The following GLRA2 variants were observed in gnomAD, a reference collection of about 807,000 sequenced individuals.
GLRA2 encodes the protein glycine receptor subunit alpha-2.
A neutral mutation model predicts 31.6 loss-of-function variants in GLRA2; 11 were observed. That is an observed-to-expected ratio of 0.35 (90% CI 0.22 to 0.58). The LOEUF is 0.58. Ranked by LOEUF, GLRA2 falls within the 20% of genes least tolerant of loss-of-function variation. The probability of loss-of-function intolerance (pLI) is 0.84; values close to 1 mark genes in which losing one functional copy is unlikely to be tolerated. For missense variants in GLRA2, 212 were observed against 351.8 expected (o/e 0.60, Z 3.18); for synonymous variants, 132 against 134.0 (o/e 0.99, Z 0.10).
intron 7 of GLRA2, among the ~76,000 whole-genome samples, chrX:14,627,993 C>G (rs1425726905): frequency 9.0e-6 from 1 of 110,816 alleles, no homozygotes. Flanking sequence ...TAGGATTAGT[C>G]TAATATAATT....
chrX:14,509,121 C>A, the GLRA2 span, among the ~76,000 whole-genome samples: 2 of 112,150 alleles, frequency 1.8e-5, no homozygotes, highest in African/African-American at 6.5e-5. Flanking sequence ...AGAAGGCTTC[C>A]ATTTCTCTGT....
intron 4 of GLRA2, 43 bp downstream of exon 4, chrX:14,581,449 C>A: frequency 1.3e-6 from 1 of 764,613 alleles, no homozygotes; most frequent in Non-Finnish European, 2.0e-6. Flanking sequence ...TCCATTTCTC[C>A]ACTAATGTAG....
chrX:14,683,091 G>T (rs1303136540), intron 7 of GLRA2, among the ~76,000 whole-genome samples: 2 of 111,774 alleles, frequency 1.8e-5, no homozygotes, highest in Non-Finnish European at 3.8e-5. Flanking sequence ...GGGTCAAATG[G>T]TATTTCTAGT....
intron 7 of GLRA2, among the ~76,000 whole-genome samples, chrX:14,663,290 G>A (rs1243004123): frequency 9.0e-6 from 1 of 111,165 alleles, no homozygotes; most frequent in African/African-American, 3.3e-5. Context: ...TTTTCATGAA[G>A]AATTTAGGTT....
chrX:14,526,890 T>C (rs775592128), upstream of GLRA2, among the ~76,000 whole-genome samples: 17 of 111,508 alleles, frequency 1.5e-4, no homozygotes, highest in Non-Finnish European at 7.5e-5. Flanking sequence ...ATATAGCCTT[T>C]AGGAAATCCA....
intron 5 of GLRA2, 27 bp from the exon 6 acceptor site, chrX:14,607,104 A>C (rs199920383): frequency 1.8e-6 from 2 of 1,133,054 alleles, no homozygotes; most frequent in Admixed American, 4.8e-5. Flanking sequence ...GCCATATTCA[A>C]TTTTCACTAT....
At position 14,623,655 on chromosome X, in the gene GLRA2, C is replaced by T. The variant is rs753950834; in HGVS notation, c.930+14450C>T. On this transcript the variant is annotated intron_variant, in intron 7 of 8. Coordinates refer to ENST00000218075, the MANE Select transcript of GLRA2 (RefSeq NM_002063.4). ...TGTTTATATGCTGGATTACATTTAT[C>T]GATTTGCGTATGTTGAACCAGCCTT... Among the ~76,000 whole-genome samples, 82 of 111,309 alleles carry T rather than the reference C, an allele frequency of 7.4e-4. No individual in the cohort carries two copies. In the East Asian group the frequency reaches 0.011, roughly 15 times the overall value.
At chrX:14,693,570 AG>A (rs1337906189) in intron 8 of GLRA2, among the ~76,000 whole-genome samples, 1 of 112,249 alleles carries the variant, frequency 8.9e-6, no homozygotes, top group Non-Finnish European at 1.9e-5. Flanking sequence ...AAAAGCAGAC[AG>A]AAAGATCAGT....
the GLRA2 span, among the ~76,000 whole-genome samples, chrX:14,500,566 G>A: frequency 8.9e-6 from 1 of 112,297 alleles, no homozygotes; most frequent in Admixed American, 9.3e-5. Context: ...GGTAGGGACA[G>A]GTCTCCTGAC....
chrX:14,705,819 T>A (rs1346259255), intron 8 of GLRA2, among the ~76,000 whole-genome samples: 2 of 112,070 alleles, frequency 1.8e-5, no homozygotes, highest in Non-Finnish European at 3.8e-5. Flanking sequence ...TATGATTTAA[T>A]TGCTTTTCAA....
intron 2 of GLRA2, among the ~76,000 whole-genome samples, chrX:14,545,638 C>A (rs2089468943): frequency 9.0e-6 from 1 of 111,673 alleles, no homozygotes; most frequent in Admixed American, 9.5e-5. Flanking sequence ...GTTATTTGGG[C>A]ATGCACACAT....
chrX:14,557,397 A>G lies in GLRA2; in HGVS notation c.203-16936A>G, dbSNP rs187292612. ...CCCAAAGTGCTGGGATTACAGGCAT[A>G]AGCCACTGTGCCCGGCCCACCTAAA... On this transcript the variant is annotated intron_variant, in intron 2 of 8. Transcript: ENST00000218075. Among the ~76,000 whole-genome samples the G allele has an allele frequency of 5.0e-3, 551 of 111,159 alleles. 5 individuals carry two copies. Among genetic ancestry groups the G allele is most frequent in the African/African-American group, 0.017 (517 of 30,625 alleles).
chrX:14,625,206 C>T (rs1383063553), intron 7 of GLRA2, among the ~76,000 whole-genome samples: 3 of 111,067 alleles, frequency 2.7e-5, no homozygotes, highest in African/African-American at 9.8e-5. Context: ...CTTGGTAGAT[C>T]TTCCTCTATC....
chrX:14,686,390 A>T (rs138395429), intron 7 of GLRA2, among the ~76,000 whole-genome samples: 55 of 111,030 alleles, frequency 5.0e-4, no homozygotes, highest in African/African-American at 1.7e-3. Flanking sequence ...TGTCTCGTTG[A>T]CCTTTCTAAT....
intron 8 of GLRA2, among the ~76,000 whole-genome samples, chrX:14,715,367 T>A (rs911941491): frequency 2.7e-5 from 3 of 112,423 alleles, no homozygotes; most frequent in Non-Finnish European, 3.8e-5. Flanking sequence ...TACAAAATAC[T>A]TTTTTCATAT....
At chrX:14,578,630 C>A (rs770726626) in intron 3 of GLRA2, among the ~76,000 whole-genome samples, 2 of 111,362 alleles carry the variant, frequency 1.8e-5, no homozygotes, top group South Asian at 3.8e-4. Flanking sequence ...TGTGAGTTTA[C>A]CGTTTTCTTT....
intron 8 of GLRA2, among the ~76,000 whole-genome samples, chrX:14,697,833 G>A (rs2091470590): frequency 8.9e-6 from 1 of 112,063 alleles, no homozygotes; most frequent in African/African-American, 3.2e-5. Flanking sequence ...GCATCTGAAT[G>A]CTCATAATTG....
At chrX:14,559,179 T>C (rs1295878550) in intron 2 of GLRA2, among the ~76,000 whole-genome samples, 3 of 111,461 alleles carry the variant, frequency 2.7e-5, no homozygotes, top group African/African-American at 9.8e-5. Context: ...CAAATGGTTT[T>C]TGATGAGTCC....
the GLRA2 span, among the ~76,000 whole-genome samples, chrX:14,458,368 G>C: frequency 9.0e-6 from 1 of 111,303 alleles, no homozygotes; most frequent in Non-Finnish European, 1.9e-5. Flanking sequence ...ATGATTTATA[G>C]TCCTTTGGGT....
Sources: allele counts gnomAD v4.1 joint callset (sites outside exome capture counted in the v4.1 genomes callset), GRCh38; gene constraint gnomAD v4.1.1; transcripts MANE v1.5; gene names NCBI Gene and HGNC (gene_info 2026-07-23, HGNC 2026-07-21).